Variants in ANKRD11 observed in about 807,000 individuals in gnomAD.
The protein encoded by ANKRD11 is ankyrin repeat domain 11, also known as ankyrin repeat domain-containing protein 11.
In ANKRD11, 17 loss-of-function variants were observed where a neutral mutation model predicts 195.7. That is an observed-to-expected ratio of 0.09 (90% CI 0.06 to 0.13). The LOEUF (loss-of-function observed/expected upper bound fraction) is 0.13. Among genes scored for constraint, ANKRD11 ranks in the 10% least tolerant of loss-of-function variants. The probability of loss-of-function intolerance (pLI) is 1.00; values close to 1 mark genes in which losing one functional copy is unlikely to be tolerated. For missense variants in ANKRD11, 3,735 were observed against 3,566.1 expected (o/e 1.05, Z -1.21); for synonymous variants, 1,953 against 1,528.1 (o/e 1.28, Z -6.49).
chr16:89,341,636 G>A (rs1044385842), intron 2 of ANKRD11, among the ~76,000 whole-genome samples: 14 of 152,156 alleles, frequency 9.2e-5, no homozygotes, highest in Non-Finnish European at 1.9e-4. Flanking sequence ...AAATCCCACC[G>A]TTAACACTGG....
chr16:89,270,944 C>G, intron 11 of ANKRD11, 35 bp from the exon 12 acceptor site: 1 of 1,604,614 alleles, frequency 6.2e-7, no homozygotes, highest in African/African-American at 1.3e-5. Context: ...TCATCAGGAG[C>G]CCCAGAGACC....
intron 2 of ANKRD11, among the ~76,000 whole-genome samples, chr16:89,354,309 C>T (rs1295909059): frequency 6.6e-6 from 1 of 151,334 alleles, no homozygotes; most frequent in African/African-American, 2.4e-5. Context: ...TTTGAAAAGC[C>T]TCCTTTTCCT....
At chr16:89,357,106 G>C (rs1010120934) in intron 2 of ANKRD11, among the ~76,000 whole-genome samples, 12 of 152,232 alleles carry the variant, frequency 7.9e-5, no homozygotes, top group African/African-American at 2.9e-4. Flanking sequence ...GGATGAGTCT[G>C]TAGGAGGGAC....
chr16:89,479,520 AGCT>A (rs2057371377), intron 1 of ANKRD11, among the ~76,000 whole-genome samples: 1 of 152,092 alleles, frequency 6.6e-6, no homozygotes, highest in Non-Finnish European at 1.5e-5. Context: ...CTGTAATCCC[AGCT>A]ATTCTGGAGG....
chr16:89,317,176 C>T (rs976567241), intron 2 of ANKRD11, 98 bp from the exon 3 acceptor site: 21 of 869,368 alleles, frequency 2.4e-5, no homozygotes, highest in Middle Eastern at 2.1e-4. Flanking sequence ...CTAGTCAAGG[C>T]AGGCAGCTGC....
chr16:89,277,535 G>A (rs1010466467), intron 9 of ANKRD11: 1 of 152,296 alleles, frequency 6.6e-6, no homozygotes, highest in African/African-American at 2.4e-5. Flanking sequence ...ACAACAAAAA[G>A]CACAGAAGGT....
intron 2 of ANKRD11, among the ~76,000 whole-genome samples, chr16:89,355,819 G>T (rs960333443): frequency 3.9e-5 from 6 of 152,176 alleles, no homozygotes; most frequent in Non-Finnish European, 8.8e-5. Context: ...CACGGCAAGG[G>T]TCTGTGGCTC....
intron 7 of ANKRD11, 31 bp from the exon 8 acceptor site, chr16:89,286,217 T>C: frequency 6.2e-7 from 1 of 1,609,300 alleles, no homozygotes; most frequent in Non-Finnish European, 8.5e-7. Context: ...CGTCAGGGAC[T>C]GCTGGAGAAG....
At chr16:89,318,816 G>C (rs192849744) in intron 2 of ANKRD11, among the ~76,000 whole-genome samples, 8 of 152,228 alleles carry the variant, frequency 5.3e-5, no homozygotes, top group African/African-American at 1.7e-4. Context: ...TCGGGTCAAC[G>C]TATTCACTGC....
chr16:89,356,037 C>T (rs2039458144), intron 2 of ANKRD11, among the ~76,000 whole-genome samples: 1 of 152,210 alleles, frequency 6.6e-6, no homozygotes, highest in South Asian at 2.1e-4. Context: ...GCCCAGATAG[C>T]GCCCCTGCAC....
chr16:89,334,121 T>A (rs2038207255), intron 2 of ANKRD11, among the ~76,000 whole-genome samples: 2 of 104,920 alleles, frequency 1.9e-5, no homozygotes, highest in Non-Finnish European at 3.5e-5. Context: ...CCAGCCTGGG[T>A]AACATGATGA....
In ANKRD11 at chr16:89,479,760, G is replaced by A. The variant is rs150028475; in HGVS notation, c.-145+10485C>T. Among the ~76,000 whole-genome samples the A allele has an allele frequency of 4.7e-3, 721 of 152,010 alleles. 9 individuals are homozygous for A. The highest frequency in any genetic ancestry group is 0.015 in the African/African-American group (604 of 41,452). On this transcript the variant is annotated intron_variant, in intron 1 of 12. Transcript: ENST00000301030. ...AGATTGAGACCATCCTGGCTAACAC[G>A]GTGAGACCCCATCTCCACTAAAAAT...
intron 2 of ANKRD11, among the ~76,000 whole-genome samples, chr16:89,368,010 C>T (rs751185694): frequency 6.6e-6 from 1 of 151,734 alleles, no homozygotes; most frequent in East Asian, 1.9e-4. Flanking sequence ...TCTCTCAAAA[C>T]AAAAAACAAA....
At chr16:89,312,275 G>T (rs1038065721) in intron 3 of ANKRD11, among the ~76,000 whole-genome samples, 9 of 152,252 alleles carry the variant, frequency 5.9e-5, no homozygotes, top group African/African-American at 2.2e-4. Flanking sequence ...CCTCAGTGCA[G>T]ACGGCATGTG....
chr16:89,469,845 C>G (rs1319465402), intron 1 of ANKRD11, among the ~76,000 whole-genome samples: 1 of 139,084 alleles, frequency 7.2e-6, no homozygotes, highest in Non-Finnish European at 1.6e-5. Context: ...TTGCAGGGAG[C>G]CAAGATCGCG....
intron 2 of ANKRD11, among the ~76,000 whole-genome samples, chr16:89,366,086 C>T (rs754492917): frequency 1.4e-5 from 2 of 146,444 alleles, no homozygotes; most frequent in East Asian, 4.0e-4. Context: ...GCTAAAATGG[C>T]GCCACTGCAC....
intron 2 of ANKRD11, among the ~76,000 whole-genome samples, chr16:89,364,079 C>CACAT (rs2039847586): frequency 6.6e-6 from 1 of 151,770 alleles, no homozygotes; most frequent in Non-Finnish European, 1.5e-5. Context: ...CACACACACA[C>CACAT]ACACACTCAA....
chr16:89,485,910 C>A (rs1170785234), intron 1 of ANKRD11, among the ~76,000 whole-genome samples: 1 of 152,208 alleles, frequency 6.6e-6, no homozygotes, highest in African/African-American at 2.4e-5. Flanking sequence ...TTAGTCCAGA[C>A]TGATTTCAAC....
intron 12 of ANKRD11, 136 bp from the exon 13 acceptor site, chr16:89,268,799 T>C: frequency 1.0e-6 from 1 of 986,594 alleles, no homozygotes; most frequent in Non-Finnish European, 1.5e-6. Flanking sequence ...GGCCCAGCTG[T>C]ACCCGCTCCT....
Sources: allele counts gnomAD v4.1 joint callset (sites outside exome capture counted in the v4.1 genomes callset), GRCh38; gene constraint gnomAD v4.1.1; transcripts MANE v1.5; gene names NCBI Gene and HGNC (gene_info 2026-07-23, HGNC 2026-07-21).